Variants in SNX29 observed in about 807,000 individuals in gnomAD.
SNX29 encodes the protein sorting nexin-29.
Under a neutral mutation model 102.1 loss-of-function variants are expected in SNX29, and 78 were observed. The observed-to-expected ratio is 0.76, with a 90% CI of 0.64 to 0.92. SNX29 has a LOEUF of 0.92. Ranked by LOEUF, SNX29 falls within the 40% of genes least tolerant of loss-of-function variation. The probability of loss-of-function intolerance (pLI) is 0.00; values close to 1 mark genes in which losing one functional copy is unlikely to be tolerated. For synonymous variants in SNX29, 580 were observed against 414.5 expected, an observed-to-expected ratio of 1.40 and a Z score of -4.85; for missense variants, 1,280 against 1,061.7, an observed-to-expected ratio of 1.21 and a Z score of -2.86.
rs73515702 is a variant in SNX29, at chr16:12,079,596, C to T, written c.1402+681C>T. Among the ~76,000 whole-genome samples the T allele has an allele frequency of 2.4e-3, 358 of 152,220 alleles. 1 individual carries two copies. Among genetic ancestry groups the T allele is most frequent in the African/African-American group, 8.3e-3 (345 of 41,512 alleles). ...AGCATTTTCTGATTCAAGGGTGAAG[C>T]AGGAAGTGAGCAGACACTATGTAAA... On this transcript the variant is annotated intron_variant, in intron 11 of 20. Transcript: ENST00000566228.
In SNX29 at chr16:12,096,469, C is replaced by T. The variant is rs2052772255; in HGVS notation, c.1402+17554C>T. Among the ~76,000 whole-genome samples, 1 of 152,182 alleles carries T rather than the reference C, an allele frequency of 6.6e-6. No homozygotes were observed. The highest frequency in any genetic ancestry group is 6.5e-5 in the Admixed American group (1 of 15,286). On this transcript the variant is annotated intron_variant, in intron 11 of 20. Transcript: ENST00000566228. This position sits in a 1 kb window ranked among gnomAD's most constrained non-coding sequence, Gnocchi z 4.2. ...CATTATAATGCAGATTTAAGAGTGC[C>T]AGCACCATGGGCTGTTGTGAGGACT...
chr16:12,420,326 C>T (rs567685284), intron 18 of SNX29, among the ~76,000 whole-genome samples: 71 of 152,326 alleles, frequency 4.7e-4, no homozygotes, highest in African/African-American at 1.3e-3. Context: ...TCGAAGACAC[C>T]GTCAAGTGTT....
At chr16:12,554,971 G>GTGGGGGGGA (rs1567189074) in intron 20 of SNX29, among the ~76,000 whole-genome samples, 1 of 150,806 alleles carries the variant, frequency 6.6e-6, no homozygotes, top group African/African-American at 2.5e-5. Flanking sequence ...GTGGTGAGGG[G>GTGGGGGGGA]GGTCAGTCAG....
chr16:12,175,517 G>A (rs2076240512), intron 13 of SNX29, among the ~76,000 whole-genome samples: 1 of 152,028 alleles, frequency 6.6e-6, no homozygotes, highest in Admixed American at 6.6e-5. Context: ...CAGGGATGGT[G>A]GTACACACCT....
At chr16:12,322,220 G>A (rs2080963102) in intron 15 of SNX29, among the ~76,000 whole-genome samples, 1 of 152,144 alleles carries the variant, frequency 6.6e-6, no homozygotes, top group Non-Finnish European at 1.5e-5. Flanking sequence ...GATGGGAGTG[G>A]GGAGAACTCC....
intron 13 of SNX29, among the ~76,000 whole-genome samples, chr16:12,137,563 G>C (rs2054708315): frequency 6.6e-6 from 1 of 152,210 alleles, no homozygotes; most frequent in Admixed American, 6.5e-5. Flanking sequence ...GCCCTGCTCA[G>C]ATCATGCTGT....
At chr16:12,268,231 C>A (rs1392870957) in intron 14 of SNX29, among the ~76,000 whole-genome samples, 1 of 152,238 alleles carries the variant, frequency 6.6e-6, no homozygotes, top group Non-Finnish European at 1.5e-5. Context: ...CTCTGAGTCT[C>A]CTCACTGGAA....
chr16:12,529,230 G>C (rs980965634), intron 20 of SNX29, among the ~76,000 whole-genome samples: 2 of 152,146 alleles, frequency 1.3e-5, no homozygotes, highest in Non-Finnish European at 2.9e-5. Flanking sequence ...TGTGGCCCAG[G>C]GGGGACCAGA....
At chr16:12,129,982 T>C (rs1000341808) in intron 13 of SNX29, among the ~76,000 whole-genome samples, 5 of 150,750 alleles carry the variant, frequency 3.3e-5, no homozygotes, top group African/African-American at 1.2e-4. Context: ...CGGGTGCCTG[T>C]AGTCCCAGCT....
At chr16:11,986,663 C>A (rs1210769316) in intron 1 of SNX29, among the ~76,000 whole-genome samples, 1 of 152,278 alleles carries the variant, frequency 6.6e-6, no homozygotes, top group African/African-American at 2.4e-5. Flanking sequence ...AGCTATTTAA[C>A]CTCTCTCCCA....
At chr16:12,506,558 G>A (rs2089388980) in intron 19 of SNX29, among the ~76,000 whole-genome samples, 2 of 152,218 alleles carry the variant, frequency 1.3e-5, no homozygotes, top group African/African-American at 4.8e-5. Context: ...GGAGGGAATA[G>A]CATCAGACTT....
chr16:12,160,936 G>A (rs1049442628), intron 13 of SNX29, among the ~76,000 whole-genome samples: 5 of 152,144 alleles, frequency 3.3e-5, no homozygotes, highest in African/African-American at 9.7e-5. Context: ...GCCTTGTGCC[G>A]GGAGTAGCGA....
At chr16:12,567,111 A>C (rs1436065594) in intron 20 of SNX29, among the ~76,000 whole-genome samples, 1 of 152,250 alleles carries the variant, frequency 6.6e-6, no homozygotes, top group Non-Finnish European at 1.5e-5. Flanking sequence ...TTATGAATGC[A>C]AGTCTCTTAA....
intron 11 of SNX29, among the ~76,000 whole-genome samples, chr16:12,108,082 G>A (rs150643218): frequency 1.1e-3 from 164 of 152,314 alleles, no homozygotes; most frequent in African/African-American, 3.8e-3. Context: ...ATTGCTCTTT[G>A]CTGTTCCAAG....
rs147616897 is a variant in SNX29, at chr16:12,555,445, G to A, written c.2319-13061G>A. Among the ~76,000 whole-genome samples, 365 of 152,116 alleles carry A rather than the reference G, an allele frequency of 2.4e-3. 1 individual carries two copies. Among genetic ancestry groups the A allele is most frequent in the Non-Finnish European group, 3.1e-3 (212 of 67,974 alleles). ...TGCTTTGTAGGAGACACTCATGTAC[G>A]CAGGGTGTTTCCCTAGTTGACATGT... On this transcript the variant is annotated intron_variant, in intron 20 of 20. Transcript: ENST00000566228.
intron 16 of SNX29, among the ~76,000 whole-genome samples, chr16:12,390,980 C>T (rs927195942): frequency 1.1e-4 from 17 of 152,104 alleles, no homozygotes; most frequent in African/African-American, 3.6e-4. Context: ...GGGTCTCACT[C>T]TGTCACCATG....
chr16:11,994,152 A>G (rs546227437), intron 1 of SNX29, among the ~76,000 whole-genome samples: 2 of 152,270 alleles, frequency 1.3e-5, no homozygotes, highest in African/African-American at 4.8e-5. Context: ...AACATTAAAG[A>G]GAGACCCAAC....
In SNX29 at chr16:12,569,327, T is replaced by C. The variant is rs2079135790; in HGVS notation, c.*698T>C. 1.3e-5 allele frequency: 3 copies of C among 227,754 alleles called. 1 individual carries two copies. The highest frequency in any genetic ancestry group is 3.7e-4 in the South Asian group (2 of 5,466). 14.1% of individuals were successfully genotyped at this position (227,754 alleles called of 1,614,324 possible). On this transcript the variant is annotated 3_prime_UTR_variant, in exon 21 of 21. Transcript: ENST00000566228. ...CTTCAGGAAGGACCAGTGCCCTCCA[T>C]AGCCTGAGGCCACCTAGGCCCTCGC...
chr16:12,131,708 G>C (rs1450325944), intron 13 of SNX29, among the ~76,000 whole-genome samples: 1 of 152,236 alleles, frequency 6.6e-6, no homozygotes, highest in African/African-American at 2.4e-5. Context: ...AACACGTCTT[G>C]TGGATGTGCA....
Sources: allele counts gnomAD v4.1 joint callset (sites outside exome capture counted in the v4.1 genomes callset), GRCh38; gene constraint gnomAD v4.1.1; non-coding constraint Gnocchi (gnomAD v3.1); transcripts MANE v1.5; gene names NCBI Gene and HGNC (gene_info 2026-07-23, HGNC 2026-07-21).